KYNU: variants seen among roughly 807,000 people sequenced by gnomAD.
KYNU encodes the protein kynureninase, also known as L-kynurenine hydrolase.
A neutral mutation model predicts 59.2 loss-of-function variants in KYNU; 54 were observed. The observed-to-expected ratio is 0.91, with a 90% CI of 0.73 to 1.14. The LOEUF is 1.14. KYNU is among the 50% of genes most tolerant of loss of function. KYNU has a pLI of 0.00. For missense variants in KYNU, 567 were observed against 554.4 expected, an observed-to-expected ratio of 1.02 and a Z score of -0.23; for synonymous variants, 177 against 192.0, an observed-to-expected ratio of 0.92 and a Z score of 0.65.
chr2:143,032,768 A>G (rs1686794625), intron 11 of KYNU, among the ~76,000 whole-genome samples: 1 of 54,962 alleles, frequency 1.8e-5, no homozygotes. Context: ...AAGAGAAACC[A>G]CTTGACCTAA....
chr2:142,963,237 C>A (rs1162425045), intron 8 of KYNU, among the ~76,000 whole-genome samples: 1 of 152,112 alleles, frequency 6.6e-6, no homozygotes, highest in Non-Finnish European at 1.5e-5. Flanking sequence ...TTATAACCAT[C>A]ACCCCATCAA....
intron 10 of KYNU, among the ~76,000 whole-genome samples, chr2:142,991,830 A>G (rs552796213): frequency 6.6e-6 from 1 of 151,992 alleles, no homozygotes; most frequent in Admixed American, 6.6e-5. Context: ...CAGCTTTACC[A>G]CTTGCATAAT....
Position 142,967,433 on chromosome 2 carries a change from C to T in KYNU, c.729+6663C>T, listed in dbSNP as rs539126147. The T allele has an allele frequency of 3.3e-5, 5 of 152,052 alleles. No homozygotes were observed. The East Asian group carries it at 5.8e-4, about 18-fold the overall frequency. 9.4% of individuals were successfully genotyped at this position (152,052 alleles called of 1,614,324 possible). On this transcript the variant is annotated intron_variant, in intron 8 of 13. Coordinates refer to ENST00000264170, the MANE Select transcript of KYNU (RefSeq NM_003937.3). ...ATATGATGCTTTGTTTGGGTGCAAA[C>T]GTCTCACATCTCTTAGACTCAATCA...
intron 1 of KYNU, among the ~76,000 whole-genome samples, chr2:142,881,606 C>T (rs1457562783): frequency 6.6e-6 from 1 of 152,150 alleles, no homozygotes; most frequent in Non-Finnish European, 1.5e-5. Flanking sequence ...AAGTTCTAGA[C>T]ATTAAGTACA....
chr2:142,951,771 A>G (rs1272878460), intron 4 of KYNU, among the ~76,000 whole-genome samples: 1 of 152,322 alleles, frequency 6.6e-6, no homozygotes, highest in Non-Finnish European at 1.5e-5. Flanking sequence ...GCATTTTGTG[A>G]TGTGCTCAGT....
chr2:142,943,400 G>A (rs944569868), intron 4 of KYNU, among the ~76,000 whole-genome samples: 5 of 150,536 alleles, frequency 3.3e-5, no homozygotes, highest in Non-Finnish European at 7.4e-5. Context: ...AATTGATAGT[G>A]TGGATAGAGA....
chr2:142,879,070 T>G (rs76768590), intron 1 of KYNU, among the ~76,000 whole-genome samples: 2,358 of 152,322 alleles, frequency 0.015, 62 homozygotes, highest in African/African-American at 0.053. Context: ...TTTAAGTTCT[T>G]CCTTTCAGAA....
In KYNU at chr2:143,046,756, C is replaced by G. The variant is rs1012745634; in HGVS notation, c.*4584C>G. The G allele has an allele frequency of 6.6e-5, 10 of 151,902 alleles. No individual in the cohort carries two copies. Among genetic ancestry groups the G allele is most frequent in the African/African-American group, 2.2e-4 (9 of 41,372 alleles). 9.4% of individuals were successfully genotyped at this position (151,902 alleles called of 1,614,324 possible). ...TTTATTAAGATTGCCCTGAATTGTC[C>G]TGGTTATCCTGGGCCCCCTACTTTT... is the stretch of plus-strand genomic sequence containing the variant. On this transcript the variant is annotated 3_prime_UTR_variant, in exon 14 of 14. Transcript: ENST00000264170.
At chr2:143,033,046 G>A (rs1352994756) in intron 11 of KYNU, among the ~76,000 whole-genome samples, 190 bp from the exon 12 acceptor site, 1 of 152,150 alleles carries the variant, frequency 6.6e-6, no homozygotes, top group Non-Finnish European at 1.5e-5. Flanking sequence ...GGACAAGGGA[G>A]GTGGGAACTG....
At chr2:143,035,534 G>A (rs187151486) in intron 12 of KYNU, among the ~76,000 whole-genome samples, 1 of 152,296 alleles carries the variant, frequency 6.6e-6, no homozygotes, top group East Asian at 1.9e-4. Context: ...GGTTTCTCAT[G>A]TGAGTAAACA....
chr2:142,976,645 A>G (rs1684890372), intron 8 of KYNU, among the ~76,000 whole-genome samples: 1 of 152,192 alleles, frequency 6.6e-6, no homozygotes, highest in Non-Finnish European at 1.5e-5. Context: ...AATTTATCAG[A>G]AGGTTGTGAA....
Position 143,046,664 on chromosome 2 carries a change from T to C in KYNU, c.*4492T>C, listed in dbSNP as rs1484024991. On this transcript the variant is annotated 3_prime_UTR_variant, in exon 14 of 14. Coordinates refer to ENST00000264170, the MANE Select transcript of KYNU (RefSeq NM_003937.3). The stretch of plus-strand genomic sequence containing the variant: ...AATTTGCTTGTTTTTTCATCAATAC[T>C]TCACTTCCTTAATTACTACAACATA... 1 of 152,086 alleles carries C rather than the reference T, an allele frequency of 6.6e-6. No homozygotes were observed. Among genetic ancestry groups the C allele is most frequent in the African/African-American group, 2.4e-5 (1 of 41,448 alleles). 9.4% of individuals were successfully genotyped at this position (152,086 alleles called of 1,614,324 possible).
At chr2:142,990,377 C>A (rs1353802901) in intron 10 of KYNU, among the ~76,000 whole-genome samples, 2 of 151,740 alleles carry the variant, frequency 1.3e-5, no homozygotes, top group East Asian at 1.9e-4. Context: ...CAAATGTTAA[C>A]CCTCATGGCA....
intron 2 of KYNU, among the ~76,000 whole-genome samples, chr2:142,889,941 A>G (rs1389456849): frequency 6.6e-6 from 1 of 151,894 alleles, no homozygotes; most frequent in Non-Finnish European, 1.5e-5. Flanking sequence ...ATGTTTTTCT[A>G]TTATATATTA....
intron 4 of KYNU, among the ~76,000 whole-genome samples, chr2:142,944,511 T>A (rs1291991235): frequency 6.6e-6 from 1 of 152,232 alleles, no homozygotes; most frequent in African/African-American, 2.4e-5. Context: ...GATGATCTGA[T>A]AAAGTAAAGA....
chr2:142,942,956 C>A (rs76167375), intron 4 of KYNU, among the ~76,000 whole-genome samples: 1 of 152,062 alleles, frequency 6.6e-6, no homozygotes, highest in Non-Finnish European at 1.5e-5. Flanking sequence ...GCTGAATGTC[C>A]CTAGAAGGTC....
intron 8 of KYNU, among the ~76,000 whole-genome samples, chr2:142,971,749 C>T (rs1463855843): frequency 6.6e-6 from 1 of 152,126 alleles, no homozygotes; most frequent in Non-Finnish European, 1.5e-5. Context: ...TCAAGTGGAC[C>T]AGGTTGATTT....
intron 2 of KYNU, among the ~76,000 whole-genome samples, chr2:142,891,997 C>G (rs888209044): frequency 6.6e-6 from 1 of 152,060 alleles, no homozygotes; most frequent in Non-Finnish European, 1.5e-5. Context: ...AGAGCAACCT[C>G]CACCCCCTGA....
At chr2:142,913,939 A>G (rs1682589900) in intron 2 of KYNU, among the ~76,000 whole-genome samples, 1 of 152,226 alleles carries the variant, frequency 6.6e-6, no homozygotes, top group African/African-American at 2.4e-5. Flanking sequence ...TTTTATCATT[A>G]TGTATTGCCC....
Sources: allele counts gnomAD v4.1 joint callset (sites outside exome capture counted in the v4.1 genomes callset), GRCh38; gene constraint gnomAD v4.1.1; transcripts MANE v1.5; gene names NCBI Gene and HGNC (gene_info 2026-07-23, HGNC 2026-07-21).